Variants in TMEM132D observed in about 807,000 individuals in gnomAD.
TMEM132D encodes the protein transmembrane protein 132D, also known as mature OL transmembrane protein.
A neutral mutation model predicts 62.3 loss-of-function variants in TMEM132D; 21 were observed. The observed-to-expected ratio is 0.34, with a 90% CI of 0.24 to 0.49. TMEM132D has a LOEUF of 0.49. Among genes scored for constraint, TMEM132D ranks in the 20% least tolerant of loss-of-function variants. The probability of loss-of-function intolerance (pLI) is 0.99; values close to 1 mark genes in which losing one functional copy is unlikely to be tolerated. For missense variants in TMEM132D, 1,346 were observed against 1,402.8 expected, an observed-to-expected ratio of 0.96 and a Z score of 0.65; for synonymous variants, 621 against 575.6, an observed-to-expected ratio of 1.08 and a Z score of -1.13.
intron 2 of TMEM132D, among the ~76,000 whole-genome samples, chr12:129,652,357 G>A (rs147616987): frequency 1.4e-3 from 207 of 152,292 alleles, no homozygotes; most frequent in African/African-American, 4.2e-3. Context: ...AAAAATGACC[G>A]TCAAAAGATG....
At chr12:129,671,981 G>A (rs982157288) in intron 2 of TMEM132D, among the ~76,000 whole-genome samples, 13 of 152,326 alleles carry the variant, frequency 8.5e-5, no homozygotes, top group East Asian at 5.8e-4. Context: ...GAGCCTGGCC[G>A]CTGCAGACCC....
chr12:129,392,449 C>T (rs1354390912), intron 3 of TMEM132D, among the ~76,000 whole-genome samples: 1 of 152,226 alleles, frequency 6.6e-6, no homozygotes, highest in Non-Finnish European at 1.5e-5. Context: ...AATCTGCACA[C>T]TGGAGACCTT....
chr12:129,805,429 C>T (rs1279333766), intron 1 of TMEM132D, among the ~76,000 whole-genome samples: 4 of 152,172 alleles, frequency 2.6e-5, no homozygotes, highest in African/African-American at 9.7e-5. Context: ...CTGAGAAAAA[C>T]AAGCAATGGG....
chr12:129,509,314 AAAT>A (rs1286323374), intron 3 of TMEM132D, among the ~76,000 whole-genome samples: 1 of 152,192 alleles, frequency 6.6e-6, no homozygotes, highest in African/African-American at 2.4e-5. Flanking sequence ...CACAATTTAC[AAAT>A]AATAAGTGCA....
At chr12:129,836,623 A>G (rs751567691) in intron 1 of TMEM132D, among the ~76,000 whole-genome samples, 2 of 152,142 alleles carry the variant, frequency 1.3e-5, no homozygotes, top group Non-Finnish European at 2.9e-5. Flanking sequence ...TTATTAAGTA[A>G]AAGTAGTGTT....
intron 2 of TMEM132D, among the ~76,000 whole-genome samples, chr12:129,657,590 C>A (rs1880123684): frequency 6.6e-6 from 1 of 152,240 alleles, no homozygotes; most frequent in Non-Finnish European, 1.5e-5. Flanking sequence ...GCAGCCTCCC[C>A]TTCAAGGCAA....
At chr12:129,241,502 A>G (rs1879936508) in intron 4 of TMEM132D, among the ~76,000 whole-genome samples, 1 of 151,986 alleles carries the variant, frequency 6.6e-6, no homozygotes, top group African/African-American at 2.4e-5. Context: ...TTCTTTGTGT[A>G]TGCTATTTCC....
chr12:129,196,574 G>A (rs1878558142), intron 5 of TMEM132D, among the ~76,000 whole-genome samples: 1 of 152,152 alleles, frequency 6.6e-6, no homozygotes, highest in Non-Finnish European at 1.5e-5. Context: ...TTTGACTGGT[G>A]ATGTCTGCCC....
At chr12:129,230,784 T>C (rs1197863918) in intron 4 of TMEM132D, among the ~76,000 whole-genome samples, 1 of 152,186 alleles carries the variant, frequency 6.6e-6, no homozygotes, top group Non-Finnish European at 1.5e-5. Context: ...TGACATCCTG[T>C]CTCAAATCTG....
chr12:129,584,138 C>T (rs1035710012), intron 2 of TMEM132D, among the ~76,000 whole-genome samples: 1 of 151,826 alleles, frequency 6.6e-6, no homozygotes, highest in South Asian at 2.1e-4. Context: ...CTTTTGATTG[C>T]TATAGTTTTT....
intron 2 of TMEM132D, among the ~76,000 whole-genome samples, chr12:129,693,828 CATGCGATGT>C (rs1197531856): frequency 3.9e-5 from 6 of 152,162 alleles, no homozygotes; most frequent in Non-Finnish European, 8.8e-5. Context: ...GCTAATGAGA[CATGCGATGT>C]ATGCGACGTA....
At chr12:129,744,978 T>G (rs1247830867) in intron 1 of TMEM132D, among the ~76,000 whole-genome samples, 1 of 152,280 alleles carries the variant, frequency 6.6e-6, no homozygotes. Context: ...GTTCTCGTGA[T>G]AGTGAGTGAA....
chr12:129,602,179 G>A (rs1219662576), intron 2 of TMEM132D, among the ~76,000 whole-genome samples: 3 of 152,084 alleles, frequency 2.0e-5, no homozygotes, highest in Non-Finnish European at 4.4e-5. Flanking sequence ...AGACCATCAG[G>A]TAGAAAAGTA....
intron 4 of TMEM132D, among the ~76,000 whole-genome samples, chr12:129,262,006 G>A (rs933345309): frequency 1.3e-5 from 2 of 152,108 alleles, no homozygotes; most frequent in Non-Finnish European, 2.9e-5. Flanking sequence ...AATGTCAAGT[G>A]GAGGCATCAT....
At chr12:129,112,116 T>C (rs1426686297) in intron 5 of TMEM132D, among the ~76,000 whole-genome samples, 1 of 152,236 alleles carries the variant, frequency 6.6e-6, no homozygotes, top group Non-Finnish European at 1.5e-5. Flanking sequence ...TTTTAATAAA[T>C]TGAATAAGTT....
intron 2 of TMEM132D, among the ~76,000 whole-genome samples, chr12:129,576,688 A>T (rs1877670553): frequency 6.6e-6 from 1 of 151,746 alleles, no homozygotes; most frequent in Admixed American, 6.6e-5. Flanking sequence ...CACATTCAAA[A>T]ATCTGTGAAT....
intron 5 of TMEM132D, among the ~76,000 whole-genome samples, chr12:129,166,712 C>T (rs977127280): frequency 1.9e-5 from 2 of 104,936 alleles, no homozygotes; most frequent in East Asian, 2.2e-4. Flanking sequence ...CACACACACA[C>T]ATATACACAC....
chr12:129,615,264 C>T (rs779100580), intron 2 of TMEM132D, among the ~76,000 whole-genome samples: 3 of 152,084 alleles, frequency 2.0e-5, no homozygotes, highest in Non-Finnish European at 4.4e-5. Flanking sequence ...CACCTCTAGG[C>T]AGACTCTGGA....
chr12:129,574,342 G>A (rs1877598791), intron 2 of TMEM132D, among the ~76,000 whole-genome samples: 1 of 151,840 alleles, frequency 6.6e-6, no homozygotes, highest in Admixed American at 6.6e-5. Context: ...AAAACATTTT[G>A]TAATAAACTA....
Sources: allele counts gnomAD v4.1 joint callset (sites outside exome capture counted in the v4.1 genomes callset), GRCh38; gene constraint gnomAD v4.1.1; transcripts MANE v1.5; gene names NCBI Gene and HGNC (gene_info 2026-07-23, HGNC 2026-07-21).